Variants in INTS14 observed in about 807,000 individuals in gnomAD.
INTS14 encodes integrator complex subunit 14.
Under a neutral mutation model 56.9 loss-of-function variants are expected in INTS14, and 27 were observed. The ratio of observed to expected loss-of-function variants is 0.47; its 90% confidence interval spans 0.35 to 0.65. The LOEUF is 0.65. INTS14 is among the 30% of genes least tolerant of loss of function. The pLI is 0.00. For missense variants in INTS14, 517 were observed against 632.2 expected (o/e 0.82, Z 1.95); for synonymous variants, 207 against 236.2 (o/e 0.88, Z 1.13).
intron 7 of INTS14, among the ~76,000 whole-genome samples, chr15:65,594,222 C>T (rs551771493): frequency 6.6e-6 from 1 of 152,296 alleles, no homozygotes; most frequent in Non-Finnish European, 1.5e-5. Flanking sequence ...TTCTCTCACA[C>T]TCTGCTGACA....
At chr15:65,591,197 CAAAG>C (rs2073014337) in intron 9 of INTS14, among the ~76,000 whole-genome samples, 2 of 151,530 alleles carry the variant, frequency 1.3e-5, no homozygotes, top group Admixed American at 1.3e-4. Context: ...AAAAGTCCGC[CAAAG>C]AAAAAGTCAA....
chr15:65,609,450 T>G (rs772339536), intron 1 of INTS14, among the ~76,000 whole-genome samples: 4 of 151,870 alleles, frequency 2.6e-5, no homozygotes, highest in Non-Finnish European at 5.9e-5. Flanking sequence ...CTACACTATA[T>G]TAGACCATAA....
chr15:65,593,325 G>T lies in INTS14; in HGVS notation c.986+103C>A. ...AGTGTGTGGCAGGAAAAGGAAAAAG[G>T]TGACAAGGACCTTTCTATTTCCTTC... On this transcript the variant is annotated intron_variant, in intron 8 of 11. Coordinates refer to ENST00000313182, the MANE Select transcript of INTS14 (RefSeq NM_001394796.1). 3 of 1,371,522 alleles carry T rather than the reference G, an allele frequency of 2.2e-6. No individual in the cohort carries two copies. The South Asian group carries it at 4.5e-5, about 21-fold the overall frequency. 85.0% of individuals were successfully genotyped at this position (1,371,522 alleles called of 1,614,324 possible). A position where few individuals can be genotyped will look rare whatever the true frequency, so the allele number is the denominator to read the frequency against.
intron 6 of INTS14, among the ~76,000 whole-genome samples, chr15:65,597,125 C>T (rs1397445631): frequency 6.6e-6 from 1 of 152,166 alleles, no homozygotes; most frequent in Non-Finnish European, 1.5e-5. Context: ...GGCAACAAGA[C>T]TTTTGGTACA....
chr15:65,580,186 C>T (rs892164107), intron 11 of INTS14, among the ~76,000 whole-genome samples: 1 of 152,100 alleles, frequency 6.6e-6, no homozygotes, highest in Non-Finnish European at 1.5e-5. Flanking sequence ...GCCCCAACAA[C>T]CCCTTAGTGG....
Position 65,595,807 on chromosome 15 carries a change from A to C in INTS14, c.767T>G (p.Phe256Cys), listed in dbSNP as rs1459214325. Residue 256 changes from phenylalanine (F) to cysteine (C), a missense_variant, in exon 7 of 12, where the codon TTT becomes TGT. Transcript: ENST00000313182. ...ACTTGAAATATCAGCTATATCAATA[A>C]ATCCCACTATTTCCAAATCTGAAAT... Reference protein sequence around the residue: ...VINTDLEIVGFIDIADISSPP... With the variant: ...VINTDLEIVGCIDIADISSPP... 3 of 1,607,054 alleles carry C rather than the reference A, an allele frequency of 1.9e-6. No individual in the cohort carries two copies. The highest frequency in any genetic ancestry group is 2.5e-6 in the Non-Finnish European group (3 of 1,178,038).
intron 3 of INTS14, among the ~76,000 whole-genome samples, chr15:65,601,542 CAT>C (rs1260784559): frequency 6.6e-6 from 1 of 152,148 alleles, no homozygotes; most frequent in East Asian, 1.9e-4. Flanking sequence ...GGGGTTTCAC[CAT>C]ATTGGCCAGG....
At chr15:65,594,534 A>G (rs1596250775) in intron 7 of INTS14, among the ~76,000 whole-genome samples, 1 of 146,938 alleles carries the variant, frequency 6.8e-6, no homozygotes, top group Non-Finnish European at 1.5e-5. Context: ...CTGGGACTAC[A>G]GGCGCCTGCC....
In INTS14 at chr15:65,579,480, C is replaced by T. The variant is rs777551938; in HGVS notation, c.1485G>A (p.Glu495=). The change falls in exon 12 of 12, where the codon GAG becomes GAA. Residue 495 remains glutamate, a synonymous_variant. Transcript: ENST00000313182. ...TGATGTTCTGGTCATAAGCGGCATA[C>T]TCAGAGGTGCCGGTACTGGCCAGCT... ...QLKLASTGTS[E]YAAYDQNITP... 2 of 1,614,136 alleles carry T rather than the reference C, an allele frequency of 1.2e-6. No homozygotes were observed. Among genetic ancestry groups the T allele is most frequent in the African/African-American group, 1.3e-5 (1 of 74,950 alleles).
At chr15:65,595,853 A>G in intron 6 of INTS14, 28 bp from the exon 7 acceptor site, 1 of 1,511,020 alleles carries the variant, frequency 6.6e-7, no homozygotes, top group Non-Finnish European at 9.1e-7. Flanking sequence ...ACACAGAATT[A>G]ATTCATTCTA....
intron 9 of INTS14, among the ~76,000 whole-genome samples, chr15:65,590,406 TA>T (rs978924517): frequency 1.3e-5 from 2 of 152,200 alleles, no homozygotes; most frequent in Non-Finnish European, 2.9e-5. Flanking sequence ...ATCTGCAAGA[TA>T]AATTCCTGGT....
intron 9 of INTS14, 125 bp from the exon 10 acceptor site, chr15:65,585,013 A>C: frequency 3.8e-6 from 3 of 797,216 alleles, no homozygotes; most frequent in Non-Finnish European, 5.6e-6. Context: ...AATTAAGAAA[A>C]TCCATTAACT....
intron 10 of INTS14, among the ~76,000 whole-genome samples, chr15:65,583,111 G>C (rs1032362504): frequency 6.6e-6 from 1 of 152,206 alleles, no homozygotes; most frequent in African/African-American, 2.4e-5. Flanking sequence ...TGGTGTGGCT[G>C]CTGTGAGAGA....
At chr15:65,599,039 G>T in intron 4 of INTS14, 49 bp from the exon 5 acceptor site, 1 of 1,392,402 alleles carries the variant, frequency 7.2e-7, no homozygotes. Context: ...CAAAATGCCA[G>T]ATTATTCTCA....
At chr15:65,589,473 C>G (rs1422883485) in intron 9 of INTS14, among the ~76,000 whole-genome samples, 1 of 152,184 alleles carries the variant, frequency 6.6e-6, no homozygotes, top group Non-Finnish European at 1.5e-5. Flanking sequence ...TTTATCATTT[C>G]TTTGTGTTGT....
At chr15:65,593,091 T>C (rs1167356943) in intron 8 of INTS14, among the ~76,000 whole-genome samples, 2 of 135,442 alleles carry the variant, frequency 1.5e-5, no homozygotes, top group Non-Finnish European at 3.1e-5. Context: ...CCCACTTCTA[T>C]AAATTAAAAA....
chr15:65,611,005 C>A (rs1177631683), intron 1 of INTS14, 93 bp downstream of exon 1: 55 of 1,512,658 alleles, frequency 3.6e-5, no homozygotes, highest in Non-Finnish European at 4.8e-5. Context: ...AGGCCAAGCG[C>A]TGGCCCTGGG....
intron 3 of INTS14, among the ~76,000 whole-genome samples, chr15:65,603,479 C>A (rs919141546): frequency 1.3e-5 from 2 of 152,058 alleles, no homozygotes; most frequent in East Asian, 3.9e-4. Flanking sequence ...CAGGCAACTA[C>A]AATCTTATTT....
chr15:65,593,666 A>G, intron 7 of INTS14, 94 bp from the exon 8 acceptor site: 1 of 1,442,856 alleles, frequency 6.9e-7, no homozygotes. Flanking sequence ...CCTTTAAGGG[A>G]TAGTGTAGAG....
Sources: gnomAD v4.1 joint callset for allele counts (sites outside exome capture counted in the v4.1 genomes callset) on GRCh38, gnomAD v4.1.1 for gene constraint, MANE v1.5 for transcripts, NCBI Gene and HGNC (gene_info 2026-07-23, HGNC 2026-07-21) for gene names.